The following PLCB1 variants were observed in gnomAD, a reference collection of about 807,000 sequenced individuals.
PLCB1 encodes 1-phosphatidylinositol 4,5-bisphosphate phosphodiesterase beta-1.
Under a neutral mutation model 161.8 loss-of-function variants are expected in PLCB1, and 46 were observed. The observed-to-expected ratio is 0.28, with a 90% CI of 0.22 to 0.36. The LOEUF is 0.36. Ranked by LOEUF, PLCB1 falls within the 10% of genes least tolerant of loss-of-function variation. PLCB1 has a pLI of 1.00. For missense variants in PLCB1, 1,016 were observed against 1,472.5 expected (o/e 0.69, Z 5.07); for synonymous variants, 517 against 503.7 (o/e 1.03, Z -0.35).
chr20:8,505,511 A>C (rs1983603561), intron 3 of PLCB1, among the ~76,000 whole-genome samples: 1 of 152,242 alleles, frequency 6.6e-6, no homozygotes, highest in Non-Finnish European at 1.5e-5. Flanking sequence ...GAAAGAATAG[A>C]GAAATATAGC....
intron 2 of PLCB1, among the ~76,000 whole-genome samples, chr20:8,291,957 A>G (rs1983402752): frequency 6.6e-6 from 1 of 152,168 alleles, no homozygotes; most frequent in South Asian, 2.1e-4. Context: ...TAAAGGGTTT[A>G]TCTGTGCTAT....
At chr20:8,326,101 G>C (rs1403284211) in intron 2 of PLCB1, among the ~76,000 whole-genome samples, 2 of 152,112 alleles carry the variant, frequency 1.3e-5, no homozygotes, top group Non-Finnish European at 2.9e-5. Flanking sequence ...TAAATATTTT[G>C]CTCTCTGTTA....
intron 31 of PLCB1, among the ~76,000 whole-genome samples, chr20:8,834,913 T>G (rs2146283056): frequency 6.6e-6 from 1 of 151,022 alleles, no homozygotes; most frequent in African/African-American, 2.4e-5. Flanking sequence ...TCTTTCTTAC[T>G]CAGGGGAATG....
chr20:8,224,378 ATTAAAG>A (rs761425760), intron 2 of PLCB1, among the ~76,000 whole-genome samples: 3 of 123,208 alleles, frequency 2.4e-5, no homozygotes, highest in Non-Finnish European at 5.9e-5. Context: ...AGACCTAAAC[ATTAAAG>A]TATTTTGCTT....
At chr20:8,763,982 T>A (rs890127833) in intron 25 of PLCB1, among the ~76,000 whole-genome samples, 1 of 151,772 alleles carries the variant, frequency 6.6e-6, no homozygotes, top group Non-Finnish European at 1.5e-5. Flanking sequence ...CTGGCCAACA[T>A]GGCGAAACCC....
At chr20:8,153,572 G>A (rs572774033) in intron 2 of PLCB1, among the ~76,000 whole-genome samples, 12 of 152,180 alleles carry the variant, frequency 7.9e-5, no homozygotes, top group Admixed American at 2.0e-4. Flanking sequence ...CTGCTCCACC[G>A]GTTTTGAAAG....
intron 3 of PLCB1, among the ~76,000 whole-genome samples, chr20:8,511,552 GAATTCTAGGGT>G (rs1418146473): frequency 6.6e-6 from 1 of 152,112 alleles, no homozygotes; most frequent in Non-Finnish European, 1.5e-5. Flanking sequence ...TGAGATTGGT[GAATTCTAGGGT>G]AATTCTATTT....
At chr20:8,699,676 A>G (rs1384117590) in intron 11 of PLCB1, among the ~76,000 whole-genome samples, 1 of 152,222 alleles carries the variant, frequency 6.6e-6, no homozygotes, top group Non-Finnish European at 1.5e-5. Context: ...TGTTTAGACA[A>G]AAGGATTTTT....
intron 9 of PLCB1, among the ~76,000 whole-genome samples, chr20:8,683,188 C>T (rs1205736447): frequency 6.6e-6 from 1 of 151,758 alleles, no homozygotes; most frequent in Non-Finnish European, 1.5e-5. Context: ...TGTGTATATG[C>T]ATGATTACAG....
chr20:8,879,278 T>C (rs1038104044), intron 31 of PLCB1, among the ~76,000 whole-genome samples: 1 of 146,242 alleles, frequency 6.8e-6, no homozygotes, highest in African/African-American at 2.6e-5. Flanking sequence ...CAAGTGCATG[T>C]CACACACTTT....
chr20:8,846,745 A>G (rs1318206313), intron 31 of PLCB1, among the ~76,000 whole-genome samples: 1 of 152,206 alleles, frequency 6.6e-6, no homozygotes, highest in African/African-American at 2.4e-5. Context: ...AGTTTCACAT[A>G]AGCATAAGCA....
intron 24 of PLCB1, among the ~76,000 whole-genome samples, chr20:8,759,922 G>A (rs1404967488): frequency 2.5e-5 from 1 of 39,556 alleles, no homozygotes; most frequent in Non-Finnish European, 6.3e-5. Flanking sequence ...TTTTTTTGGA[G>A]ACAGACTTTC....
At chr20:8,478,850 A>C (rs1982385885) in intron 3 of PLCB1, among the ~76,000 whole-genome samples, 1 of 152,194 alleles carries the variant, frequency 6.6e-6, no homozygotes, top group Admixed American at 6.5e-5. Flanking sequence ...TATGTTAAGC[A>C]GGCTCTTTTC....
intron 9 of PLCB1, among the ~76,000 whole-genome samples, chr20:8,672,232 A>C (rs1049063095): frequency 6.6e-5 from 10 of 152,186 alleles, no homozygotes; most frequent in Admixed American, 5.9e-4. Context: ...TCTATAAAAT[A>C]GTCATAAAAG....
At chr20:8,314,623 A>G (rs1309936395) in intron 2 of PLCB1, among the ~76,000 whole-genome samples, 4 of 152,250 alleles carry the variant, frequency 2.6e-5, no homozygotes, top group Admixed American at 2.0e-4. Context: ...ATGAATTAAT[A>G]TACTCAAAAC....
intron 31 of PLCB1, among the ~76,000 whole-genome samples, chr20:8,824,490 T>A (rs1985591215): frequency 1.3e-5 from 2 of 152,154 alleles, no homozygotes; most frequent in African/African-American, 4.8e-5. Flanking sequence ...CAGGAGAAAT[T>A]CAGGAGAACT....
At chr20:8,269,853 T>C (rs941526154) in intron 2 of PLCB1, among the ~76,000 whole-genome samples, 1 of 152,014 alleles carries the variant, frequency 6.6e-6, no homozygotes, top group Admixed American at 6.6e-5. Flanking sequence ...AAATAAATAA[T>C]AATGTAAACA....
At chr20:8,546,906 G>A (rs183965658) in intron 3 of PLCB1, among the ~76,000 whole-genome samples, 43 of 152,102 alleles carry the variant, frequency 2.8e-4, no homozygotes, top group African/African-American at 9.6e-4. Context: ...TTCTGGCAAT[G>A]ACTTTGCCTT....
intron 31 of PLCB1, among the ~76,000 whole-genome samples, chr20:8,847,979 G>T (rs1233435466): frequency 6.6e-6 from 1 of 152,152 alleles, no homozygotes; most frequent in East Asian, 1.9e-4. Flanking sequence ...TCTGGTAAGG[G>T]CTGCATCTTC....
Sources: allele counts gnomAD v4.1 joint callset (sites outside exome capture counted in the v4.1 genomes callset), GRCh38; gene constraint gnomAD v4.1.1; transcripts MANE v1.5; gene names NCBI Gene and HGNC (gene_info 2026-07-23, HGNC 2026-07-21).